Variants in TSPAN17 observed in about 807,000 individuals in gnomAD.
TSPAN17 encodes the protein tetraspanin-17.
TSPAN17 carries 33 observed loss-of-function variants against 40.5 expected under a neutral mutation model. The ratio of observed to expected loss-of-function variants is 0.81; its 90% confidence interval spans 0.62 to 1.09. TSPAN17 has a LOEUF of 1.09. Among genes scored for constraint, TSPAN17 ranks in the 50% least tolerant of loss-of-function variants. The pLI is 0.00. For missense variants in TSPAN17, 365 were observed against 416.8 expected, an observed-to-expected ratio of 0.88 and a Z score of 1.08; for synonymous variants, 166 against 169.4, an observed-to-expected ratio of 0.98 and a Z score of 0.15.
intron 1 of TSPAN17, among the ~76,000 whole-genome samples, chr5:176,649,531 G>A (rs1168215243): frequency 6.6e-6 from 1 of 151,858 alleles, no homozygotes; most frequent in Non-Finnish European, 1.5e-5. Context: ...AGGTTCAAGC[G>A]ATTCTCCTGC....
At chr5:176,653,185 G>A (rs987510080) in intron 4 of TSPAN17, 4 of 338,340 alleles carry the variant, frequency 1.2e-5, no homozygotes, top group East Asian at 9.6e-5. Flanking sequence ...TACGACACAC[G>A]GGAGAATGGA....
intron 4 of TSPAN17, 27 bp downstream of exon 4, chr5:176,652,940 C>A: frequency 6.2e-7 from 1 of 1,610,050 alleles, no homozygotes; most frequent in Non-Finnish European, 8.5e-7. Context: ...GCCTGGGACA[C>A]CTGTAGGAGG....
Position 176,652,857 on chromosome 5 carries a change from A to G in TSPAN17, c.400A>G (p.Lys134Glu). 1.2e-6 allele frequency: 2 copies of G among 1,614,204 alleles called. No individual in the cohort carries two copies. The highest frequency in any genetic ancestry group is 1.7e-6 in the Non-Finnish European group (2 of 1,180,024). ...CAACCTCTTCATCAACAACAACGTC[A>G]AGGCCTACCGGGACGACATTGACCT... ...QLNLFINNNV[K>E]AYRDDIDLQN... is the part of the protein sequence containing the mutation. Residue 134 changes from lysine to glutamate, a missense_variant, in exon 4 of 9, where the codon AAG (lysine) becomes GAG (glutamate). Transcript: ENST00000508164.
rs200586493 is a variant in TSPAN17 at position 176,656,990 on chromosome 5, G to C, written c.809+34G>C. ...GCCAGAGGCCATGGCCACATGCCTG[G>C]CCTACGCAGGCCTCTGGGGGGCCCC... On this transcript the variant is annotated intron_variant, in intron 8 of 8. Transcript: ENST00000508164. The C allele has an allele frequency of 1.6e-3, 2,529 of 1,602,314 alleles. 5 individuals carry two copies. The highest frequency in any genetic ancestry group is 1.9e-3 in the Non-Finnish European group (2,230 of 1,172,924).
At chr5:176,653,312 G>C (rs575182766) in intron 4 of TSPAN17, 2 of 178,528 alleles carry the variant, frequency 1.1e-5, no homozygotes, top group African/African-American at 4.7e-5. Context: ...GTTTGCCATT[G>C]TTCCCAACAC....
intron 3 of TSPAN17, 67 bp from the exon 4 acceptor site, chr5:176,652,676 C>G (rs1179364731): frequency 6.5e-7 from 1 of 1,537,542 alleles, no homozygotes; most frequent in East Asian, 2.3e-5. Context: ...CTGTGGCACA[C>G]CCAAGCCCTG....
intron 4 of TSPAN17, chr5:176,653,328 A>G (rs542421463): frequency 6.0e-6 from 1 of 167,404 alleles, no homozygotes; most frequent in East Asian, 1.6e-4. Flanking sequence ...AACACTCTGT[A>G]TTTTATTATA....
Position 176,657,866 on chromosome 5 carries a change from C to A in TSPAN17, c.*168C>A. On this transcript the variant is annotated 3_prime_UTR_variant, in exon 9 of 9. Coordinates refer to ENST00000508164, the MANE Select transcript of TSPAN17 (RefSeq NM_130465.5). ...CCGCCTGACCCTTGTACACTAGGAG[C>A]TGGCCTCCCACCTCTGCAGGGTTAT... The A allele has an allele frequency of 2.4e-6, 3 of 1,265,486 alleles. No individual in the cohort carries two copies. The highest frequency in any genetic ancestry group is 3.2e-6 in the Non-Finnish European group (3 of 949,640). 78.4% of individuals were successfully genotyped at this position (1,265,486 alleles called of 1,614,324 possible).
chr5:176,657,616 C>G lies in TSPAN17; in HGVS notation c.908C>G (p.Ala303Gly), dbSNP rs1368468745. ...AGPQQNSLTG[A>G]PGPAPPSRHV... Reference sequence around the variant, plus strand: ...CCTCAGCAGAACTCTCTGACTGGGGCCCCTGGCCCGGCCCCACCCAGCCGA... The same window carrying G: ...CCTCAGCAGAACTCTCTGACTGGGGGCCCTGGCCCGGCCCCACCCAGCCGA... The change falls in exon 9 of 9, where the codon GCC (alanine) becomes GGC (glycine). Residue 303 changes from alanine to glycine, a missense_variant. Coordinates refer to ENST00000508164, the MANE Select transcript of TSPAN17 (RefSeq NM_130465.5). The G allele has an allele frequency of 6.2e-7, 1 of 1,613,684 alleles. No individual in the cohort carries two copies. Among genetic ancestry groups the G allele is most frequent in the Admixed American group, 1.7e-5 (1 of 59,990 alleles).
At position 176,652,734 on chromosome 5, in the gene TSPAN17, C is replaced by T; in HGVS notation, c.286-9C>T. ...TTCCAACCCCTACTGTCTGTATGCC[C>T]AACCCCAGTTCTCCGTGTTCCTCGG... On this transcript the variant is annotated splice_polypyrimidine_tract_variant and intron_variant, in intron 3 of 8. Transcript: ENST00000508164. The T allele has an allele frequency of 1.2e-6, 2 of 1,613,896 alleles. No individual in the cohort carries two copies. Among genetic ancestry groups the T allele is most frequent in the East Asian group, 2.2e-5 (1 of 44,882 alleles).
In TSPAN17 at chr5:176,647,614, C is replaced by T. The variant is rs1320786172; in HGVS notation, c.-2C>T. 6.4e-7 allele frequency: 1 copy of T among 1,567,900 alleles called. No individual in the cohort carries two copies. The highest frequency in any genetic ancestry group is 8.6e-7 in the Non-Finnish European group (1 of 1,159,566). The stretch of plus-strand genomic sequence containing the variant: ...TTCCGGGCCGGCGGGTGGCCGCTCA[C>T]CATGCCCGGCAAGCACCAGCATTTC... On this transcript the variant is annotated 5_prime_UTR_variant, in exon 1 of 9. Coordinates refer to ENST00000508164, the MANE Select transcript of TSPAN17 (RefSeq NM_130465.5).
chr5:176,653,190 A>ACAC, intron 4 of TSPAN17: 1 of 314,876 alleles, frequency 3.2e-6, no homozygotes, highest in Admixed American at 4.3e-5. Context: ...CACACGGGAG[A>ACAC]ATGGAGGAAA....
At chr5:176,649,418 C>T (rs1471595418) in intron 1 of TSPAN17, among the ~76,000 whole-genome samples, 1 of 148,450 alleles carries the variant, frequency 6.7e-6, no homozygotes, top group African/African-American at 2.6e-5. Flanking sequence ...TTGTGGTTTC[C>T]TTTTTTCTTT....
intron 1 of TSPAN17, among the ~76,000 whole-genome samples, chr5:176,649,011 A>C (rs1260546976): frequency 6.6e-6 from 1 of 152,128 alleles, no homozygotes; most frequent in Non-Finnish European, 1.5e-5. Context: ...GAGGGGGAGC[A>C]GGCGTGAGAG....
intron 1 of TSPAN17, among the ~76,000 whole-genome samples, chr5:176,648,634 G>C (rs1400818243): frequency 6.6e-6 from 1 of 152,228 alleles, no homozygotes; most frequent in Non-Finnish European, 1.5e-5. Flanking sequence ...CTAGGCTCTT[G>C]AGGGTGTGGG....
chr5:176,648,880 CAG>C (rs1386928547), intron 1 of TSPAN17, among the ~76,000 whole-genome samples: 1 of 152,200 alleles, frequency 6.6e-6, no homozygotes, highest in Non-Finnish European at 1.5e-5. Flanking sequence ...GGAATAGACA[CAG>C]AGAAATTAAG....
intron 6 of TSPAN17, 96 bp downstream of exon 6, chr5:176,656,221 C>A (rs1222872306): frequency 2.2e-6 from 3 of 1,356,152 alleles, no homozygotes; most frequent in Non-Finnish European, 3.1e-6. Context: ...CTCAGGGATT[C>A]TTTGGGGAGA....
chr5:176,652,981 G>A, intron 4 of TSPAN17, 68 bp downstream of exon 4: 3 of 1,553,844 alleles, frequency 1.9e-6, no homozygotes, highest in Non-Finnish European at 2.7e-6. Flanking sequence ...GAGGGAGCAA[G>A]TTCCCTGTGA....
Position 176,654,617 on chromosome 5 carries a change from A to C in TSPAN17, c.457-278A>C, listed in dbSNP as rs549911210. The C allele has an allele frequency of 3.6e-5, 15 of 415,884 alleles. No individual in the cohort carries two copies. The East Asian group carries it at 6.6e-4, about 18-fold the overall frequency. The allele number at this position is 415,884 out of a possible 1,614,324, so 25.8% of individuals were successfully genotyped here. A position where few individuals can be genotyped will look rare whatever the true frequency, so the allele number is the denominator to read the frequency against. On this transcript the variant is annotated intron_variant, in intron 4 of 8. Coordinates refer to ENST00000508164, the MANE Select transcript of TSPAN17 (RefSeq NM_130465.5). The surrounding 1 kb of genome is among the most constrained non-coding windows in gnomAD (Gnocchi z 4.3). ...TCTCAGGTAGTCTGGAGGAAGCCAC[A>C]GTCATTGAACCAGTATCCTTGTCCC...
Sources: allele counts gnomAD v4.1 joint callset (sites outside exome capture counted in the v4.1 genomes callset), GRCh38; gene constraint gnomAD v4.1.1; non-coding constraint Gnocchi (gnomAD v3.1); transcripts MANE v1.5; gene names NCBI Gene and HGNC (gene_info 2026-07-23, HGNC 2026-07-21).